The following ADGRB3 variants were observed in gnomAD, a reference collection of about 807,000 sequenced individuals.
ADGRB3 encodes brain-specific angiogenesis inhibitor 3.
ADGRB3 carries 37 observed loss-of-function variants against 193.4 expected under a neutral mutation model. That is an observed-to-expected ratio of 0.19 (90% confidence interval 0.15 to 0.25). The LOEUF is 0.25. Among genes scored for constraint, ADGRB3 ranks in the 10% least tolerant of loss-of-function variants. The pLI is 1.00. For synonymous variants in ADGRB3, 690 were observed against 644.2 expected, an observed-to-expected ratio of 1.07 and a Z score of -1.08; for missense variants, 1,637 against 1,852.9, an observed-to-expected ratio of 0.88 and a Z score of 2.14.
At chr6:69,359,524 C>A (rs1582655848) in intron 28 of ADGRB3, among the ~76,000 whole-genome samples, 1 of 151,714 alleles carries the variant, frequency 6.6e-6, no homozygotes, top group African/African-American at 2.4e-5. Context: ...GATATAATAT[C>A]TTTCAAGATA....
At chr6:69,320,752 G>A (rs1768433621) in intron 20 of ADGRB3, among the ~76,000 whole-genome samples, 1 of 150,508 alleles carries the variant, frequency 6.6e-6, no homozygotes, top group African/African-American at 2.4e-5. Flanking sequence ...TACTCTGATA[G>A]CTTTTAAGAT....
intron 12 of ADGRB3, among the ~76,000 whole-genome samples, chr6:69,015,523 G>T (rs1770062792): frequency 6.6e-6 from 1 of 151,990 alleles, no homozygotes; most frequent in Non-Finnish European, 1.5e-5. Context: ...CAGCCGTGTG[G>T]TGAATGGGTC....
intron 6 of ADGRB3, among the ~76,000 whole-genome samples, chr6:68,946,926 A>G (rs995185817): frequency 6.6e-6 from 1 of 152,148 alleles, no homozygotes; most frequent in Non-Finnish European, 1.5e-5. Context: ...TAAGTAGATA[A>G]TATGCTATCA....
intron 3 of ADGRB3, among the ~76,000 whole-genome samples, chr6:68,832,568 C>G (rs1767976020): frequency 1.3e-5 from 2 of 152,144 alleles, no homozygotes; most frequent in South Asian, 4.1e-4. Context: ...ATTATAACAG[C>G]ATGCATTTTC....
intron 3 of ADGRB3, among the ~76,000 whole-genome samples, chr6:68,711,474 T>C (rs1307324165): frequency 6.6e-6 from 1 of 152,188 alleles, no homozygotes; most frequent in African/African-American, 2.4e-5. Flanking sequence ...GAAGTCTTAA[T>C]TCAAAATGAA....
chr6:68,871,983 A>G (rs1159586334), intron 3 of ADGRB3, among the ~76,000 whole-genome samples: 1 of 152,106 alleles, frequency 6.6e-6, no homozygotes. Flanking sequence ...TTTTGCTAAA[A>G]TTTTGTGTAA....
At chr6:69,164,091 T>G (rs1239255151) in intron 17 of ADGRB3, among the ~76,000 whole-genome samples, 1 of 152,056 alleles carries the variant, frequency 6.6e-6, no homozygotes, top group African/African-American at 2.4e-5. Context: ...TCCAGTATTT[T>G]TTTCCCAAGG....
intron 17 of ADGRB3, among the ~76,000 whole-genome samples, chr6:69,083,182 T>A (rs1185390056): frequency 6.6e-6 from 1 of 152,224 alleles, no homozygotes; most frequent in Non-Finnish European, 1.5e-5. Context: ...ACATCTCACA[T>A]CTCACAGCAT....
intron 3 of ADGRB3, among the ~76,000 whole-genome samples, chr6:68,655,303 CG>C (rs1191765746): frequency 6.6e-6 from 1 of 150,796 alleles, no homozygotes; most frequent in Non-Finnish European, 1.5e-5. Flanking sequence ...TGTTTTGTTT[CG>C]TTTTTTTGTT....
intron 17 of ADGRB3, among the ~76,000 whole-genome samples, chr6:69,085,856 C>T (rs990043105): frequency 3.3e-5 from 5 of 151,122 alleles, no homozygotes; most frequent in South Asian, 2.1e-4. Flanking sequence ...GAATGAACAT[C>T]GGTAAAGATA....
At chr6:69,006,409 A>T (rs778616653) in intron 11 of ADGRB3, among the ~76,000 whole-genome samples, 1 of 152,136 alleles carries the variant, frequency 6.6e-6, no homozygotes, top group African/African-American at 2.4e-5. Flanking sequence ...CTTTTGCACC[A>T]ACCTATACAC....
chr6:68,939,078 G>A (rs1194255846), intron 5 of ADGRB3, among the ~76,000 whole-genome samples: 1 of 152,088 alleles, frequency 6.6e-6, no homozygotes, highest in African/African-American at 2.4e-5. Flanking sequence ...TTCTACCAGA[G>A]ACCACTGATT....
intron 14 of ADGRB3, 113 bp downstream of exon 14, chr6:69,048,447 A>T (rs1771301086): frequency 9.0e-7 from 1 of 1,109,002 alleles, no homozygotes; most frequent in African/African-American, 1.6e-5. Flanking sequence ...GTCTGTAATC[A>T]TTATTTTAAA....
chr6:68,648,366 A>G (rs1768265175), intron 3 of ADGRB3, among the ~76,000 whole-genome samples: 1 of 152,064 alleles, frequency 6.6e-6, no homozygotes, highest in Non-Finnish European at 1.5e-5. Flanking sequence ...TTCTGTTTCT[A>G]TCATGTAAAA....
chr6:68,819,644 AG>A (rs139944681), intron 3 of ADGRB3, among the ~76,000 whole-genome samples: 1,804 of 152,154 alleles, frequency 0.012, 38 homozygotes, highest in African/African-American at 0.038. Context: ...CAAAGTTCCA[AG>A]GCAAAACTTA....
intron 3 of ADGRB3, among the ~76,000 whole-genome samples, chr6:68,710,696 T>G (rs368836569): frequency 8.5e-5 from 13 of 152,272 alleles, no homozygotes; most frequent in African/African-American, 2.9e-4. Flanking sequence ...GATTCCTTTG[T>G]AGAAACTACT....
intron 3 of ADGRB3, among the ~76,000 whole-genome samples, chr6:68,901,411 C>T (rs1033112759): frequency 1.3e-5 from 2 of 152,076 alleles, no homozygotes; most frequent in African/African-American, 4.8e-5. Flanking sequence ...TCAGAAGAAT[C>T]CACAGTCTTT....
intron 17 of ADGRB3, among the ~76,000 whole-genome samples, chr6:69,157,638 T>G (rs1354920445): frequency 6.6e-6 from 1 of 151,176 alleles, no homozygotes; most frequent in African/African-American, 2.4e-5. Flanking sequence ...AAGTTTCTAA[T>G]AAATGATTAG....
chr6:69,164,364 C>T (rs548456241), intron 17 of ADGRB3, among the ~76,000 whole-genome samples: 6 of 149,042 alleles, frequency 4.0e-5, no homozygotes, highest in Non-Finnish European at 8.9e-5. Flanking sequence ...ATTTTTTTGT[C>T]AAGTTAGAAA....
Sources: gnomAD v4.1 joint callset for allele counts (sites outside exome capture counted in the v4.1 genomes callset) on GRCh38, gnomAD v4.1.1 for gene constraint, MANE v1.5 for transcripts, NCBI Gene and HGNC (gene_info 2026-07-23, HGNC 2026-07-21) for gene names.